The following RAI14 variants were observed in gnomAD, a reference collection of about 807,000 sequenced individuals.
RAI14 encodes ankycorbin.
A neutral mutation model predicts 115.4 loss-of-function variants in RAI14; 45 were observed. The observed-to-expected ratio is 0.39, with a 90% CI of 0.31 to 0.50. The LOEUF (loss-of-function observed/expected upper bound fraction) is 0.50, where lower values mean the gene tolerates loss of function less well. Ranked by LOEUF, RAI14 falls within the 20% of genes least tolerant of loss-of-function variation. The pLI, the probability that RAI14 is intolerant of heterozygous loss-of-function variation, is 0.85. For missense variants in RAI14, 939 were observed against 1,131.2 expected, an observed-to-expected ratio of 0.83 and a Z score of 2.44; for synonymous variants, 371 against 415.4, an observed-to-expected ratio of 0.89 and a Z score of 1.30.
chr5:34,674,805 T>G (rs1438246306), intron 1 of RAI14, among the ~76,000 whole-genome samples: 1 of 152,094 alleles, frequency 6.6e-6, no homozygotes, highest in Non-Finnish European at 1.5e-5. Flanking sequence ...ACCAGGCTGG[T>G]CTTGAACTCC....
At chr5:34,716,468 A>G (rs1402015758) in intron 2 of RAI14, among the ~76,000 whole-genome samples, 1 of 151,480 alleles carries the variant, frequency 6.6e-6, no homozygotes, top group Non-Finnish European at 1.5e-5. Context: ...GCTGGAGTGC[A>G]GTGGTGCAAT....
At chr5:34,781,435 G>A (rs541398701) in intron 3 of RAI14, among the ~76,000 whole-genome samples, 3 of 152,212 alleles carry the variant, frequency 2.0e-5, no homozygotes, top group Non-Finnish European at 4.4e-5. Flanking sequence ...AATTTGTTTT[G>A]CATTCACTCT....
In RAI14 at chr5:34,823,558, T is replaced by C. The variant is rs1363945844; in HGVS notation, c.1716T>C (p.Pro572=). The C allele has an allele frequency of 5.0e-6, 8 of 1,614,214 alleles. No homozygotes were observed. Among genetic ancestry groups the C allele is most frequent in the Non-Finnish European group, 6.8e-6 (8 of 1,180,040 alleles). Residue 572 remains proline (P), a synonymous_variant, in exon 15 of 18, where the codon CCT becomes CCC. Coordinates refer to ENST00000265109, the MANE Select transcript of RAI14 (RefSeq NM_015577.3). The surrounding 1 kb of genome is among the most constrained non-coding windows in gnomAD (Gnocchi z 4.5). ...AGAAAGGTACAGTGATTAAGCCACC[T>C]GTGGAAGAGTACGAGGAAATGAAAA... is the stretch of plus-strand genomic sequence containing the variant. ...EREKGTVIKP[P]VEEYEEMKSS...
At chr5:34,780,905 A>T (rs1314770046) in intron 3 of RAI14, among the ~76,000 whole-genome samples, 1 of 152,190 alleles carries the variant, frequency 6.6e-6, no homozygotes, top group East Asian at 1.9e-4. Context: ...ATGCTGCTAT[A>T]AAGTCACATG....
chr5:34,743,595 A>G (rs1745798398), intron 2 of RAI14, among the ~76,000 whole-genome samples: 2 of 152,184 alleles, frequency 1.3e-5, no homozygotes, highest in Admixed American at 6.6e-5. Flanking sequence ...TAGGACTTAC[A>G]TGTACGTAGG....
chr5:34,688,409 T>C, intron 2 of RAI14: 1 of 624,290 alleles, frequency 1.6e-6, no homozygotes, highest in Non-Finnish European at 2.6e-6. Context: ...TAGACTTCCA[T>C]ATATATATGA....
rs552120013 is a variant in RAI14 at position 34,725,403 on chromosome 5, T to C, written c.37-32065T>C. On this transcript the variant is annotated intron_variant, in intron 2 of 17. Coordinates refer to ENST00000265109, the MANE Select transcript of RAI14 (RefSeq NM_015577.3). ...TGAAGGAAGAAAGACATTGTGAGCT[T>C]AGAAGCAATAGAAGAAGTCACAAAG... Among the ~76,000 whole-genome samples, 9 of 152,110 alleles carry C rather than the reference T, an allele frequency of 5.9e-5. No individual in the cohort carries two copies. The East Asian group carries it at 1.7e-3, about 30-fold the overall frequency.
intron 3 of RAI14, among the ~76,000 whole-genome samples, chr5:34,792,105 A>G (rs1752978724): frequency 6.6e-6 from 1 of 152,208 alleles, no homozygotes; most frequent in Non-Finnish European, 1.5e-5. Flanking sequence ...CATTTCCCAG[A>G]AGCGCATACC....
intron 1 of RAI14, among the ~76,000 whole-genome samples, chr5:34,670,756 G>A (rs1479698036): frequency 6.6e-6 from 1 of 152,134 alleles, no homozygotes; most frequent in African/African-American, 2.4e-5. Context: ...TAATGTGAAC[G>A]ATGTAAAGAT....
Position 34,830,970 on chromosome 5 carries a change from T to C in RAI14, c.*205T>C. On this transcript the variant is annotated 3_prime_UTR_variant, in exon 18 of 18. Coordinates refer to ENST00000265109, the MANE Select transcript of RAI14 (RefSeq NM_015577.3). ...CTTAGAGACTTCAAACCAGCAGAGG[T>C]GAAAGTCCCTGTCATCCCTTCAGAT... 1 of 836,892 alleles carries C rather than the reference T, an allele frequency of 1.2e-6. No homozygotes were observed. The highest frequency in any genetic ancestry group is 1.7e-6 in the Non-Finnish European group (1 of 584,028). The allele number at this position is 836,892 out of a possible 1,614,324, so 51.8% of individuals were successfully genotyped here. A position where few individuals can be genotyped will look rare whatever the true frequency, so the allele number is the denominator to read the frequency against.
intron 2 of RAI14, among the ~76,000 whole-genome samples, chr5:34,705,357 AATC>A (rs1367469207): frequency 2.0e-5 from 3 of 152,196 alleles, no homozygotes; most frequent in African/African-American, 7.2e-5. Context: ...TTCATGCTGA[AATC>A]ATCATATTTT....
At chr5:34,659,917 C>A (rs938720760) in intron 1 of RAI14, among the ~76,000 whole-genome samples, 3 of 152,092 alleles carry the variant, frequency 2.0e-5, no homozygotes, top group African/African-American at 7.2e-5. Context: ...GTGTTGCATG[C>A]CTGTAATCCC....
chr5:34,751,246 G>A (rs1219249123), intron 2 of RAI14, among the ~76,000 whole-genome samples: 3 of 150,542 alleles, frequency 2.0e-5, no homozygotes, highest in Admixed American at 6.6e-5. Flanking sequence ...GGGTTCAAGC[G>A]ATTCTCCTGC....
intron 4 of RAI14, among the ~76,000 whole-genome samples, chr5:34,798,957 A>C (rs1270198880): frequency 6.6e-6 from 1 of 152,202 alleles, no homozygotes; most frequent in Non-Finnish European, 1.5e-5. Flanking sequence ...CCATGATTCC[A>C]GCACTTCCCT....
At chr5:34,722,195 C>T (rs138074048) in intron 2 of RAI14, among the ~76,000 whole-genome samples, 150 of 150,846 alleles carry the variant, frequency 9.9e-4, no homozygotes, top group African/African-American at 3.6e-3. Context: ...CCCCCAGTTC[C>T]TCAGACTGTC....
At chr5:34,830,586 T>C (rs1419179992) in intron 17 of RAI14, 102 bp from the exon 18 acceptor site, 1 of 1,555,718 alleles carries the variant, frequency 6.4e-7, no homozygotes, top group Non-Finnish European at 8.7e-7. Context: ...ATGTGGGAAT[T>C]AGCCCAGGTC....
At chr5:34,741,442 T>G (rs192571914) in intron 2 of RAI14, among the ~76,000 whole-genome samples, 1 of 152,360 alleles carries the variant, frequency 6.6e-6, no homozygotes, top group African/African-American at 2.4e-5. Flanking sequence ...ATACTTGGAA[T>G]GCTAGTGTAA....
intron 2 of RAI14, chr5:34,687,561 G>A (rs2149886502): frequency 7.0e-7 from 1 of 1,435,974 alleles, no homozygotes. Flanking sequence ...GGAGAAGAGG[G>A]AGAAAAACAT....
intron 7 of RAI14, among the ~76,000 whole-genome samples, chr5:34,810,635 G>A (rs111754396): frequency 0.14 from 21,395 of 152,066 alleles, 2,053 homozygotes; most frequent in Non-Finnish European, 0.2. Context: ...GGATCTTCTG[G>A]TGTCGTGCGG....
Sources: gnomAD v4.1 joint callset for allele counts (sites outside exome capture counted in the v4.1 genomes callset) on GRCh38, gnomAD v4.1.1 for gene constraint, Gnocchi (gnomAD v3.1) non-coding constraint, MANE v1.5 for transcripts, NCBI Gene and HGNC (gene_info 2026-07-23, HGNC 2026-07-21) for gene names.